CHRNA7: variants seen among roughly 807,000 people sequenced by gnomAD.
CHRNA7 encodes the protein neuronal acetylcholine receptor subunit alpha-7.
A neutral mutation model predicts 48.0 loss-of-function variants in CHRNA7; 17 were observed. The observed-to-expected ratio is 0.35, with a 90% CI of 0.24 to 0.53. CHRNA7 has a LOEUF of 0.53. Ranked by LOEUF, CHRNA7 falls within the 20% of genes least tolerant of loss-of-function variation. CHRNA7 has a pLI of 0.92. For synonymous variants in CHRNA7, 75 were observed against 242.3 expected, an observed-to-expected ratio of 0.31 and a Z score of 6.41; for missense variants, 155 against 577.7, an observed-to-expected ratio of 0.27 and a Z score of 7.50.
At chr15:32,111,522 G>A (rs2141279286) in intron 3 of CHRNA7, 1 of 338,692 alleles carries the variant, frequency 3.0e-6, no homozygotes. Context: ...GAAGGCTCGG[G>A]GACATGCAGA....
At chr15:32,105,466 A>AAG (rs961187836) in intron 3 of CHRNA7, among the ~76,000 whole-genome samples, 1 of 149,562 alleles carries the variant, frequency 6.7e-6, no homozygotes, top group African/African-American at 2.5e-5. Context: ...AGGAGGAGGA[A>AAG]GAGGAGGAGA....
At chr15:32,079,362 G>T (rs1281015415) in intron 2 of CHRNA7, among the ~76,000 whole-genome samples, 1 of 152,144 alleles carries the variant, frequency 6.6e-6, no homozygotes, top group Non-Finnish European at 1.5e-5. Context: ...AAGTCAAATT[G>T]TCTCTGTTTG....
intron 4 of CHRNA7, among the ~76,000 whole-genome samples, chr15:32,137,039 AAAAAAAAG>A (rs1160014097): frequency 5.4e-4 from 80 of 147,988 alleles, no homozygotes; most frequent in African/African-American, 1.7e-3. Context: ...CTCAAAAAAA[AAAAAAAAG>A]AAAAAAAAAA....
intron 4 of CHRNA7, among the ~76,000 whole-genome samples, chr15:32,117,572 T>C (rs952321819): frequency 7.2e-5 from 11 of 152,292 alleles, no homozygotes; most frequent in Non-Finnish European, 1.5e-4. Context: ...GAGAGAGTCC[T>C]AGGACTTGAG....
At chr15:32,121,662 G>T (rs144848016) in intron 4 of CHRNA7, among the ~76,000 whole-genome samples, 3 of 152,226 alleles carry the variant, frequency 2.0e-5, no homozygotes, top group Non-Finnish European at 4.4e-5. Flanking sequence ...GTGGCCATAC[G>T]TCTTGGTCTG....
chr15:32,134,100 G>A lies in CHRNA7; in HGVS notation c.351-19807G>A, dbSNP rs140259938. 1.2e-3 allele frequency among the ~76,000 whole-genome samples: 188 copies of A among 152,052 alleles called. 7 individuals carry two copies. The South Asian group carries it at 0.025, about 20-fold the overall frequency. On this transcript the variant is annotated intron_variant, in intron 4 of 9. Transcript: ENST00000306901. Reference sequence around the variant, plus strand: ...AGGGCTCTGCCCCTTTCTCTCCTGCGTCCTCCTCCCTCCACATCCATCCTG... The same window carrying A: ...AGGGCTCTGCCCCTTTCTCTCCTGCATCCTCCTCCCTCCACATCCATCCTG...
intron 4 of CHRNA7, among the ~76,000 whole-genome samples, chr15:32,139,295 G>A (rs1324049318): frequency 6.6e-6 from 1 of 152,134 alleles, no homozygotes; most frequent in Non-Finnish European, 1.5e-5. Context: ...CCAAGTTTTA[G>A]CAATTATGAA....
chr15:32,051,209 G>A (rs911465926), intron 2 of CHRNA7, among the ~76,000 whole-genome samples: 9 of 151,716 alleles, frequency 5.9e-5, no homozygotes, highest in Admixed American at 5.3e-4. Flanking sequence ...AGTCTGCAGA[G>A]GTTACTGCTC....
At chr15:32,123,964 C>CAA (rs57791060) in intron 4 of CHRNA7, among the ~76,000 whole-genome samples, 6,585 of 46,970 alleles carry the variant, frequency 0.14, 390 homozygotes, top group East Asian at 0.42. Context: ...AAAATCTGGC[C>CAA]AAAAAAAAAA....
chr15:32,166,619 A>G (rs1231594382), intron 9 of CHRNA7: 1 of 151,384 alleles, frequency 6.6e-6, no homozygotes, highest in Admixed American at 6.6e-5. Context: ...ATAGGAAATA[A>G]ACCTGTTAGG....
At chr15:32,035,962 C>G (rs746068130) in intron 2 of CHRNA7, among the ~76,000 whole-genome samples, 25 of 152,096 alleles carry the variant, frequency 1.6e-4, no homozygotes, top group Non-Finnish European at 1.0e-4. Flanking sequence ...AAGAAGGTTC[C>G]CTCTTGGTTT....
intron 4 of CHRNA7, among the ~76,000 whole-genome samples, chr15:32,129,407 T>C (rs2051119864): frequency 6.6e-6 from 1 of 151,958 alleles, no homozygotes; most frequent in Non-Finnish European, 1.5e-5. Flanking sequence ...TTAAAAAACA[T>C]TTAAAATTAT....
chr15:32,089,888 C>G (rs953136697), intron 2 of CHRNA7, among the ~76,000 whole-genome samples: 2 of 152,148 alleles, frequency 1.3e-5, no homozygotes, highest in African/African-American at 4.8e-5. Flanking sequence ...ACTGCCAGAG[C>G]CTTCAGGTTC....
rs536321589 is a variant in CHRNA7, at chr15:32,103,820, T to C, written c.240+2473T>C. 2.6e-5 allele frequency among the ~76,000 whole-genome samples: 4 copies of C among 152,312 alleles called. No homozygotes were observed. In the South Asian group the frequency reaches 8.3e-4, roughly 32 times the overall value. ...GATAAATGTTAAAGCCATGGATCCA[T>C]TGGCTCAAACCAAAAACCTTGAAGT... On this transcript the variant is annotated intron_variant, in intron 3 of 9. Coordinates refer to ENST00000306901, the MANE Select transcript of CHRNA7 (RefSeq NM_000746.6).
At chr15:32,074,968 T>C (rs564442313) in intron 2 of CHRNA7, among the ~76,000 whole-genome samples, 2 of 152,288 alleles carry the variant, frequency 1.3e-5, no homozygotes, top group African/African-American at 4.8e-5. Flanking sequence ...TTATTTGATA[T>C]GAATTTTTTT....
At chr15:32,090,691 AT>A (rs2050369530) in intron 2 of CHRNA7, among the ~76,000 whole-genome samples, 1 of 151,784 alleles carries the variant, frequency 6.6e-6, no homozygotes, top group Admixed American at 6.6e-5. Context: ...AGAGTGATTA[AT>A]TCTAAGCTAT....
intron 2 of CHRNA7, among the ~76,000 whole-genome samples, chr15:32,054,528 A>G (rs1292314242): frequency 6.6e-6 from 1 of 152,194 alleles, no homozygotes; most frequent in Non-Finnish European, 1.5e-5. Context: ...GGGTTACCAC[A>G]AAGTGAACCC....
chr15:32,127,120 T>C (rs2051080389), intron 4 of CHRNA7, among the ~76,000 whole-genome samples: 1 of 152,162 alleles, frequency 6.6e-6, no homozygotes, highest in Non-Finnish European at 1.5e-5. Context: ...TCAAGAATAT[T>C]TTATGTGTAG....
At chr15:32,066,995 A>G (rs1043837728) in intron 2 of CHRNA7, among the ~76,000 whole-genome samples, 1 of 150,184 alleles carries the variant, frequency 6.7e-6, no homozygotes, top group Non-Finnish European at 1.5e-5. Context: ...AATAACTGAG[A>G]AAAAAAATGG....
Sources: gnomAD v4.1 joint callset for allele counts (sites outside exome capture counted in the v4.1 genomes callset) on GRCh38, gnomAD v4.1.1 for gene constraint, MANE v1.5 for transcripts, NCBI Gene and HGNC (gene_info 2026-07-23, HGNC 2026-07-21) for gene names.